The following PPTC7 variants were observed in gnomAD, a reference collection of about 807,000 sequenced individuals.
PPTC7 encodes the protein protein phosphatase targeting COQ7.
Under a neutral mutation model 30.8 loss-of-function variants are expected in PPTC7, and 6 were observed. The ratio of observed to expected loss-of-function variants is 0.19; its 90% CI spans 0.11 to 0.38. The LOEUF is 0.38. Ranked by LOEUF, PPTC7 falls within the 10% of genes least tolerant of loss-of-function variation. The probability of loss-of-function intolerance (pLI) is 1.00; values close to 1 mark genes in which losing one functional copy is unlikely to be tolerated. For missense variants in PPTC7, 218 were observed against 404.8 expected, an observed-to-expected ratio of 0.54 and a Z score of 3.96; for synonymous variants, 163 against 168.1, an observed-to-expected ratio of 0.97 and a Z score of 0.23.
rs1054733456 is a variant in PPTC7 at position 110,545,957 on chromosome 12, C to T, written c.525G>A (p.Glu175=). The T allele has an allele frequency of 5.6e-6, 9 of 1,614,064 alleles. No homozygotes were observed. Among genetic ancestry groups the T allele is most frequent in the African/African-American group, 2.7e-5 (2 of 74,914 alleles). ...ATGGAGTGTTGAAGTAATGCTGCTGCTCATCTGATCGGTGCACGACTTCAC... is the reference window on the plus strand; with the variant it reads ...ATGGAGTGTTGAAGTAATGCTGCTGTTCATCTGATCGGTGCACGACTTCAC... The part of the protein sequence containing the change: ...RGGEVVHRSD[E]QQHYFNTPFQ... Residue 175 remains glutamate, a synonymous_variant, in exon 3 of 6, where the codon GAG becomes GAA. Transcript: ENST00000354300.
chr12:110,583,095 G>A lies in PPTC7; in HGVS notation c.-64C>T, dbSNP rs1227639551. The stretch of plus-strand genomic sequence containing the variant: ...GAGCAGGAGGACGCGGAGGCCCGGA[G>A]CCGGCTCTCTCCTCAGCCGCAGTCG... On this transcript the variant is annotated 5_prime_UTR_variant, in exon 1 of 6. Transcript: ENST00000354300. The A allele has an allele frequency of 1.6e-6, 2 of 1,283,092 alleles. No individual in the cohort carries two copies. Among genetic ancestry groups the A allele is most frequent in the South Asian group, 2.0e-5 (1 of 50,178 alleles). 79.5% of individuals were successfully genotyped at this position (1,283,092 alleles called of 1,614,324 possible). A position where few individuals can be genotyped will look rare whatever the true frequency, so the allele number is the denominator to read the frequency against.
chr12:110,562,409 C>CT (rs2064446235), intron 1 of PPTC7, among the ~76,000 whole-genome samples: 1 of 150,252 alleles, frequency 6.7e-6, no homozygotes, highest in African/African-American at 2.4e-5. Context: ...TGCTTTTTGA[C>CT]TAACAACAGT....
chr12:110,551,908 C>G lies in PPTC7; in HGVS notation c.284G>C (p.Gly95Ala). 1 of 1,614,096 alleles carries G rather than the reference C, an allele frequency of 6.2e-7. No homozygotes were observed. Among genetic ancestry groups the G allele is most frequent in the Non-Finnish European group, 8.5e-7 (1 of 1,179,992 alleles). ...DYGVDPSQFS[G>A]TLMRTCERLV... The stretch of plus-strand genomic sequence containing the variant: ...ACGTTCACACGTCCGCATTAAAGTC[C>G]CTGAGAATTGAGATGGATCAACTCC... Residue 95 changes from glycine to alanine, a missense_variant, in exon 2 of 6, where the codon GGG (glycine) becomes GCG (alanine). Physicochemically the swap from Gly to Ala is moderately conservative, Grantham distance 60. Coordinates refer to ENST00000354300, the MANE Select transcript of PPTC7 (RefSeq NM_139283.2).
At position 110,534,209 on chromosome 12, in the gene PPTC7, C is replaced by G. The variant is rs763873180; in HGVS notation, c.*2828G>C. On this transcript the variant is annotated 3_prime_UTR_variant, in exon 6 of 6. Coordinates refer to ENST00000354300, the MANE Select transcript of PPTC7 (RefSeq NM_139283.2). The stretch of plus-strand genomic sequence containing the variant: ...GTTTAGAGTGCACATTTTAAAACAA[C>G]AAAATAAAAATTTCAAGCATGTGAT... 2 of 150,528 alleles carry G rather than the reference C, an allele frequency of 1.3e-5. No homozygotes were observed. Among genetic ancestry groups the G allele is most frequent in the Non-Finnish European group, 3.0e-5 (2 of 67,676 alleles). The allele number at this position is 150,528 out of a possible 1,614,324, so 9.3% of individuals were successfully genotyped here.
At chr12:110,548,071 C>T (rs971814300) in intron 2 of PPTC7, among the ~76,000 whole-genome samples, 2 of 150,578 alleles carry the variant, frequency 1.3e-5, no homozygotes, top group Non-Finnish European at 2.9e-5. Flanking sequence ...TGCACCACTG[C>T]ACTCTAGCAT....
intron 3 of PPTC7, among the ~76,000 whole-genome samples, chr12:110,542,071 A>T (rs1309363588): frequency 6.6e-6 from 1 of 151,786 alleles, no homozygotes; most frequent in African/African-American, 2.4e-5. Context: ...ACTTGCTTCA[A>T]CCCCAAAGCT....
At chr12:110,575,463 A>C (rs571050153) in intron 1 of PPTC7, among the ~76,000 whole-genome samples, 2 of 152,002 alleles carry the variant, frequency 1.3e-5, no homozygotes, top group East Asian at 3.9e-4. Context: ...TCACATTCTA[A>C]CCCGGTGTAG....
At chr12:110,552,366 T>A (rs2064355201) in intron 1 of PPTC7, among the ~76,000 whole-genome samples, 1 of 152,152 alleles carries the variant, frequency 6.6e-6, no homozygotes, top group Non-Finnish European at 1.5e-5. Flanking sequence ...GAGCTGGAGA[T>A]CACAAAGAAC....
Position 110,546,031 on chromosome 12 carries a change from A to T in PPTC7, c.451T>A (p.Leu151Ile). Reference protein sequence around the residue: ...IVVLDRTSHRLHTANLGDSGF... With the variant: ...IVVLDRTSHRIHTANLGDSGF... ...GAATCGCCCAGGTTTGCTGTGTGTA[A>T]GCGGTGGCTGGTTCTGTCCAGCACC... The change falls in exon 3 of 6, where the codon TTA (leucine) becomes ATA (isoleucine). Residue 151 changes from leucine to isoleucine, a missense_variant. Coordinates refer to ENST00000354300, the MANE Select transcript of PPTC7 (RefSeq NM_139283.2). The T allele has an allele frequency of 6.2e-7, 1 of 1,614,168 alleles. No homozygotes were observed. Among genetic ancestry groups the T allele is most frequent in the East Asian group, 2.2e-5 (1 of 44,886 alleles).
intron 1 of PPTC7, among the ~76,000 whole-genome samples, chr12:110,560,625 T>G (rs1316709818): frequency 6.6e-6 from 1 of 152,190 alleles, no homozygotes; most frequent in Non-Finnish European, 1.5e-5. Flanking sequence ...ACTGCACTCA[T>G]CTTCAGACTG....
chr12:110,550,673 G>T (rs980516836), intron 2 of PPTC7, among the ~76,000 whole-genome samples: 1 of 152,160 alleles, frequency 6.6e-6, no homozygotes, highest in Non-Finnish European at 1.5e-5. Flanking sequence ...AGGAAATCAT[G>T]TAACAAACAA....
intron 1 of PPTC7, among the ~76,000 whole-genome samples, chr12:110,569,994 T>C (rs1340186378): frequency 6.6e-6 from 1 of 152,180 alleles, no homozygotes; most frequent in Non-Finnish European, 1.5e-5. Flanking sequence ...CACAAGATCC[T>C]GGAACAACAA....
chr12:110,575,639 C>G (rs996723362), intron 1 of PPTC7, among the ~76,000 whole-genome samples: 2 of 139,220 alleles, frequency 1.4e-5, no homozygotes, highest in South Asian at 2.3e-4. Flanking sequence ...AAAAAAAGCT[C>G]CACAACAGCT....
intron 3 of PPTC7, among the ~76,000 whole-genome samples, chr12:110,543,427 T>C (rs1565917340): frequency 6.7e-6 from 1 of 148,616 alleles, no homozygotes. Flanking sequence ...AGGAGATACA[T>C]GCAGCATGAA....
intron 1 of PPTC7, among the ~76,000 whole-genome samples, chr12:110,562,715 C>G (rs1436346774): frequency 1.3e-5 from 2 of 151,822 alleles, no homozygotes; most frequent in Non-Finnish European, 2.9e-5. Context: ...ATCGCTTGAA[C>G]CCAGGAAGCA....
At chr12:110,556,880 C>T (rs545149500) in intron 1 of PPTC7, among the ~76,000 whole-genome samples, 2 of 152,224 alleles carry the variant, frequency 1.3e-5, no homozygotes, top group East Asian at 1.9e-4. Context: ...ACGGACACCA[C>T]GAGAATGCAG....
At chr12:110,544,183 TAG>T (rs1243777872) in intron 3 of PPTC7, among the ~76,000 whole-genome samples, 1 of 152,240 alleles carries the variant, frequency 6.6e-6, no homozygotes, top group Admixed American at 6.5e-5. Context: ...GAAGAATATT[TAG>T]ACTTTTACCG....
intron 2 of PPTC7, 78 bp downstream of exon 2, chr12:110,551,711 G>A (rs2064350796): frequency 1.3e-5 from 18 of 1,333,880 alleles, no homozygotes; most frequent in Admixed American, 1.0e-4. Flanking sequence ...AAGCTGGTCC[G>A]ATAAATGATT....
At chr12:110,567,392 T>A (rs1167167060) in intron 1 of PPTC7, among the ~76,000 whole-genome samples, 1 of 152,232 alleles carries the variant, frequency 6.6e-6, no homozygotes, top group Non-Finnish European at 1.5e-5. Flanking sequence ...AAATGCCTCT[T>A]GTACCAAGCA....
Sources: allele counts gnomAD v4.1 joint callset (sites outside exome capture counted in the v4.1 genomes callset), GRCh38; gene constraint gnomAD v4.1.1; transcripts MANE v1.5; gene names NCBI Gene and HGNC (gene_info 2026-07-23, HGNC 2026-07-21).